LRRC4C: variants seen among roughly 807,000 people sequenced by gnomAD.
LRRC4C encodes leucine rich repeat containing 4C, also known as leucine-rich repeat-containing protein 4C.
In LRRC4C, 5 loss-of-function variants were observed where a neutral mutation model predicts 33.6. The ratio of observed to expected loss-of-function variants is 0.15; its 90% confidence interval spans 0.08 to 0.31. LRRC4C has a LOEUF of 0.31. LRRC4C is among the 10% of genes least tolerant of loss of function. The probability of loss-of-function intolerance (pLI) is 1.00; values close to 1 mark genes in which losing one functional copy is unlikely to be tolerated. For synonymous variants in LRRC4C, 329 were observed against 302.0 expected, an observed-to-expected ratio of 1.09 and a Z score of -0.93; for missense variants, 560 against 796.7, an observed-to-expected ratio of 0.70 and a Z score of 3.58.
At chr11:41,274,932 G>A (rs1191165240) in intron 1 of LRRC4C, among the ~76,000 whole-genome samples, 1 of 152,126 alleles carries the variant, frequency 6.6e-6, no homozygotes, top group African/African-American at 2.4e-5. Context: ...CCCAGTGTTG[G>A]AGGTGGGCCC....
At chr11:41,165,405 C>A (rs1944675718) in intron 1 of LRRC4C, among the ~76,000 whole-genome samples, 1 of 152,020 alleles carries the variant, frequency 6.6e-6, no homozygotes, top group South Asian at 2.1e-4. Context: ...TCAGAAAACT[C>A]AAATGTTTGG....
At chr11:40,743,777 C>A (rs1242676354) in intron 2 of LRRC4C, among the ~76,000 whole-genome samples, 2 of 152,084 alleles carry the variant, frequency 1.3e-5, no homozygotes, top group Non-Finnish European at 2.9e-5. Context: ...CCTTCAAGGT[C>A]CAGAAAGGTC....
chr11:41,073,594 A>C (rs1360858730), intron 1 of LRRC4C, among the ~76,000 whole-genome samples: 1 of 152,178 alleles, frequency 6.6e-6, no homozygotes, highest in Non-Finnish European at 1.5e-5. Flanking sequence ...CAGGGGGCTA[A>C]TGATTTTTCA....
intron 3 of LRRC4C, among the ~76,000 whole-genome samples, chr11:40,601,897 T>C (rs1391621111): frequency 6.6e-6 from 1 of 151,952 alleles, no homozygotes. Context: ...TCAAAATAAA[T>C]ATTAATAACT....
intron 2 of LRRC4C, among the ~76,000 whole-genome samples, chr11:40,748,563 A>T (rs1322677221): frequency 2.0e-5 from 3 of 152,154 alleles, no homozygotes; most frequent in Non-Finnish European, 4.4e-5. Flanking sequence ...AAATGATAAG[A>T]TAAAAAGAAA....
intron 1 of LRRC4C, among the ~76,000 whole-genome samples, chr11:41,406,748 A>ACACACG (rs936627444): frequency 0.036 from 5,228 of 145,036 alleles, 334 homozygotes; most frequent in African/African-American, 0.13. Context: ...ACACACACAC[A>ACACACG]CACGCACCCT....
At chr11:41,116,596 C>T (rs551279289) in intron 1 of LRRC4C, among the ~76,000 whole-genome samples, 11 of 152,072 alleles carry the variant, frequency 7.2e-5, no homozygotes, top group Non-Finnish European at 1.0e-4. Context: ...GTATTTACTA[C>T]GGTCATTTTG....
chr11:41,347,453 C>A (rs1951840548), intron 1 of LRRC4C, among the ~76,000 whole-genome samples: 1 of 152,116 alleles, frequency 6.6e-6, no homozygotes, highest in Admixed American at 6.5e-5. Flanking sequence ...ACAAATACCA[C>A]TTGATCATGT....
intron 4 of LRRC4C, among the ~76,000 whole-genome samples, chr11:40,266,305 TA>T (rs981308022): frequency 1.3e-5 from 2 of 151,022 alleles, no homozygotes; most frequent in Admixed American, 6.6e-5. Flanking sequence ...TCTCAAAAAA[TA>T]AAAAAAATTA....
chr11:41,012,768 A>G (rs749096889), intron 1 of LRRC4C, among the ~76,000 whole-genome samples: 9 of 151,932 alleles, frequency 5.9e-5, no homozygotes, highest in African/African-American at 2.2e-4. Context: ...CTCTTTTTTT[A>G]TAGAAGACAT....
intron 1 of LRRC4C, chr11:41,394,583 T>TA (rs1053229444): frequency 6.6e-6 from 1 of 151,960 alleles, no homozygotes; most frequent in East Asian, 1.9e-4. Flanking sequence ...ATCCTTGTGG[T>TA]AAAAAACACC....
chr11:40,432,752 C>A (rs1332647517), intron 3 of LRRC4C, among the ~76,000 whole-genome samples: 1 of 152,112 alleles, frequency 6.6e-6, no homozygotes, highest in African/African-American at 2.4e-5. Flanking sequence ...TTCAGTAGTT[C>A]TCAAAATAAT....
intron 3 of LRRC4C, among the ~76,000 whole-genome samples, chr11:40,502,344 A>T (rs1954818662): frequency 6.6e-6 from 1 of 152,078 alleles, no homozygotes; most frequent in Non-Finnish European, 1.5e-5. Context: ...CCCCCACTCT[A>T]TTGGCACCAA....
intron 1 of LRRC4C, among the ~76,000 whole-genome samples, chr11:41,015,222 TCA>T (rs1379206880): frequency 2.0e-5 from 3 of 152,196 alleles, no homozygotes; most frequent in African/African-American, 7.2e-5. Context: ...TTATTTACAA[TCA>T]CACTATTATA....
chr11:41,322,160 T>C (rs1950978113), intron 1 of LRRC4C, among the ~76,000 whole-genome samples: 2 of 152,126 alleles, frequency 1.3e-5, no homozygotes, highest in South Asian at 4.2e-4. Context: ...CCACCGTGCC[T>C]GGCCTTATGT....
At chr11:40,759,150 A>G (rs959754401) in intron 2 of LRRC4C, among the ~76,000 whole-genome samples, 2 of 147,238 alleles carry the variant, frequency 1.4e-5, no homozygotes, top group African/African-American at 2.5e-5. Context: ...TCTTCCATAT[A>G]TATGTAAAAC....
intron 1 of LRRC4C, among the ~76,000 whole-genome samples, chr11:41,007,689 TAG>T (rs1244373445): frequency 6.6e-6 from 1 of 152,106 alleles, no homozygotes; most frequent in African/African-American, 2.4e-5. Context: ...GCTTTCTAAA[TAG>T]ATTTTTAAAA....
chr11:40,178,625 C>T (rs1385764910), intron 5 of LRRC4C, among the ~76,000 whole-genome samples: 1 of 152,204 alleles, frequency 6.6e-6, no homozygotes, highest in East Asian at 1.9e-4. Context: ...CCTGTTAAGA[C>T]AAGGGCTTGT....
chr11:40,566,218 A>C (rs962465507), intron 3 of LRRC4C, among the ~76,000 whole-genome samples: 2 of 149,192 alleles, frequency 1.3e-5, no homozygotes, highest in Non-Finnish European at 3.0e-5. Flanking sequence ...TGTGTGTTGG[A>C]TATTCAATTG....
Sources: gnomAD v4.1 joint callset for allele counts (sites outside exome capture counted in the v4.1 genomes callset) on GRCh38, gnomAD v4.1.1 for gene constraint, MANE v1.5 for transcripts, NCBI Gene and HGNC (gene_info 2026-07-23, HGNC 2026-07-21) for gene names.